The following PIGP variants were observed in gnomAD, a reference collection of about 807,000 sequenced individuals.
PIGP encodes the protein phosphatidylinositol glycan anchor biosynthesis class P.
In PIGP, 12 loss-of-function variants were observed where a neutral mutation model predicts 16.9. That is an observed-to-expected ratio of 0.71 (90% confidence interval 0.46 to 1.15). The LOEUF (loss-of-function observed/expected upper bound fraction) is 1.15, where lower values mean the gene tolerates loss of function less well. PIGP is among the 50% of genes most tolerant of loss of function. The pLI, the probability that PIGP is intolerant of heterozygous loss-of-function variation, is 0.00. For synonymous variants in PIGP, 57 were observed against 54.7 expected, an observed-to-expected ratio of 1.04 and a Z score of -0.18; for missense variants, 159 against 153.5, an observed-to-expected ratio of 1.04 and a Z score of -0.19.
rs915840430 is a variant in PIGP, at chr21:37,071,013, G to T, written c.83-1389C>A. On this transcript the variant is annotated intron_variant, in intron 2 of 4. Transcript: ENST00000360525. ...CGACCTCAGATGATCTGCCTGCCTCGGCCACCCAAAGTGCCGGGATTACAG... is the reference window on the plus strand; with the variant it reads ...CGACCTCAGATGATCTGCCTGCCTCTGCCACCCAAAGTGCCGGGATTACAG... 3.2e-4 allele frequency among the ~76,000 whole-genome samples: 49 copies of T among 152,114 alleles called. 1 individual carries two copies. The highest frequency in any genetic ancestry group is 1.2e-3 in the African/African-American group (49 of 41,406).
At chr21:37,067,422 A>C (rs1209099179) in intron 3 of PIGP, 42 bp from the exon 4 acceptor site, 16 of 1,136,730 alleles carry the variant, frequency 1.4e-5, no homozygotes, top group Non-Finnish European at 2.1e-5. Flanking sequence ...ACACTTTAAA[A>C]AAGTTGTAAT....
In PIGP at chr21:37,067,363, A is replaced by G. The variant is rs1358519822; in HGVS notation, c.173T>C (p.Leu58Ser). 1 of 1,597,370 alleles carries G rather than the reference A, an allele frequency of 6.3e-7. No individual in the cohort carries two copies. Among genetic ancestry groups the G allele is most frequent in the Non-Finnish European group, 8.6e-7 (1 of 1,164,750 alleles). The change falls in exon 4 of 5, where the codon TTA becomes TCA. Residue 58 changes from leucine to serine, a missense_variant. Transcript: ENST00000360525. ...YWPQKYWAVALPVYLLIAIVI... is the reference protein window; with the variant it reads ...YWPQKYWAVASPVYLLIAIVI... ...TATAGCAATAAGGAGGTAGACAGGTAATGCAACTGCCCAATATCTGCCAAA... is the reference window on the plus strand; with the variant it reads ...TATAGCAATAAGGAGGTAGACAGGTGATGCAACTGCCCAATATCTGCCAAA...
intron 1 of PIGP, 62 bp from the exon 2 acceptor site, chr21:37,072,599 C>T (rs759933479): frequency 6.2e-7 from 1 of 1,608,258 alleles, no homozygotes; most frequent in Non-Finnish European, 8.5e-7. Context: ...GATCCATTCT[C>T]GCCTCCTCGC....
chr21:37,072,407 C>CTG, intron 2 of PIGP, 27 bp downstream of exon 2: 1 of 1,613,566 alleles, frequency 6.2e-7, no homozygotes, highest in South Asian at 1.1e-5. Context: ...GAAAAAGCCC[C>CTG]TGGCCATCCA....
intron 2 of PIGP, chr21:37,072,041 G>T: frequency 1.3e-6 from 1 of 771,530 alleles, no homozygotes; most frequent in South Asian, 1.4e-5. Flanking sequence ...TCAGTGCCAG[G>T]GGGAAAGGCC....
chr21:37,069,668 A>G, intron 2 of PIGP, 44 bp from the exon 3 acceptor site: 2 of 1,251,218 alleles, frequency 1.6e-6, no homozygotes, highest in Non-Finnish European at 2.3e-6. Context: ...GAAGTCAGTA[A>G]GACATACATC....
chr21:37,066,669 C>G (rs77937673), intron 4 of PIGP, among the ~76,000 whole-genome samples: 4,189 of 152,164 alleles, frequency 0.028, 83 homozygotes, highest in Middle Eastern at 0.044. Flanking sequence ...GGATACACAC[C>G]CCCAAAGTCC....
Position 37,065,574 on chromosome 21 carries a change from C to A in PIGP, c.*8G>T. ...TACGTGCTTGGTGTTACTATGGTTA[C>A]ACACAGTTCAGTTTTTGGTGTAAAG... is the stretch of plus-strand genomic sequence containing the variant. On this transcript the variant is annotated 3_prime_UTR_variant, in exon 5 of 5. Transcript: ENST00000360525. The A allele has an allele frequency of 6.2e-7, 1 of 1,611,598 alleles. No homozygotes were observed. Among genetic ancestry groups the A allele is most frequent in the South Asian group, 1.1e-5 (1 of 90,594 alleles).
intron 1 of PIGP, 104 bp from the exon 2 acceptor site, chr21:37,072,641 A>T: frequency 6.3e-7 from 1 of 1,584,726 alleles, no homozygotes; most frequent in South Asian, 1.1e-5. Context: ...GCCGCGCAGA[A>T]CCGCCTCCCG....
chr21:37,066,528 A>C (rs2069905710), intron 4 of PIGP, among the ~76,000 whole-genome samples: 1 of 152,248 alleles, frequency 6.6e-6, no homozygotes, highest in African/African-American at 2.4e-5. Context: ...CTAGAATTTA[A>C]GCAAGCTCAG....
chr21:37,066,545 G>T (rs2069906007), intron 4 of PIGP, among the ~76,000 whole-genome samples: 1 of 152,168 alleles, frequency 6.6e-6, no homozygotes, highest in African/African-American at 2.4e-5. Context: ...TCAGGAGTCT[G>T]ATTTATTTTC....
chr21:37,072,562 G>C lies in PIGP; in HGVS notation c.-22-25C>G, dbSNP rs567491390. The C allele has an allele frequency of 2.5e-6, 4 of 1,614,184 alleles. No homozygotes were observed. The highest frequency in any genetic ancestry group is 4.5e-5 in the East Asian group (2 of 44,886). On this transcript the variant is annotated intron_variant, in intron 1 of 4. Coordinates refer to ENST00000360525, the MANE Select transcript of PIGP (RefSeq NM_153682.3). Reference sequence around the variant, plus strand: ...TCTGTGGAAAAGGAACACAATCAGCGTCAGCGATGTGCTCCGTGGCACCAT... The same window carrying C: ...TCTGTGGAAAAGGAACACAATCAGCCTCAGCGATGTGCTCCGTGGCACCAT...
In PIGP at chr21:37,067,304, T is replaced by C. The variant is rs1028023265; in HGVS notation, c.232A>G (p.Met78Val). 2.5e-6 allele frequency: 4 copies of C among 1,611,278 alleles called. No homozygotes were observed. The highest frequency in any genetic ancestry group is 3.3e-5 in the Admixed American group (2 of 60,002). ...IGYVLLFGIN[M>V]MSTSPLDSIH... is the part of the protein sequence containing the mutation. ...GAGTCGAGTGGAGAGGTACTCATCA[T>C]GTTAATCCCAAACAAGAGCACGTAG... Residue 78 changes from methionine (M) to valine (V), a missense_variant, in exon 4 of 5, where the codon ATG becomes GTG. Met to Val is a conservative substitution (Grantham distance 21). Coordinates refer to ENST00000360525, the MANE Select transcript of PIGP (RefSeq NM_153682.3).
intron 3 of PIGP, 144 bp from the exon 4 acceptor site, chr21:37,067,524 C>T (rs2069927796): frequency 1.8e-6 from 1 of 558,438 alleles, no homozygotes; most frequent in Non-Finnish European, 3.1e-6. Context: ...TTCCACAAGG[C>T]TTACAGTGAA....
At chr21:37,065,817 A>G (rs1361386407) in intron 4 of PIGP, 105 bp from the exon 5 acceptor site, 2 of 832,222 alleles carry the variant, frequency 2.4e-6, no homozygotes, top group East Asian at 2.6e-5. Context: ...ACGTTTGGAT[A>G]GTGACAAACA....
chr21:37,067,281 G>A lies in PIGP; in HGVS notation c.255C>T (p.Asp85=), dbSNP rs1304935125. The A allele has an allele frequency of 1.3e-6, 2 of 1,589,148 alleles. No individual in the cohort carries two copies. The highest frequency in any genetic ancestry group is 2.2e-5 in the South Asian group (2 of 90,560). ...GINMMSTSPL[D]SIHTITDNYA... ...AGTTACCTGTGATTGTATGGATGGAGTCGAGTGGAGAGGTACTCATCATGT... is the reference window on the plus strand; with the variant it reads ...AGTTACCTGTGATTGTATGGATGGAATCGAGTGGAGAGGTACTCATCATGT... Residue 85 remains aspartate, a synonymous_variant, in exon 4 of 5, where the codon GAC becomes GAT. Coordinates refer to ENST00000360525, the MANE Select transcript of PIGP (RefSeq NM_153682.3).
Position 37,067,326 on chromosome 21 carries a change from G to A in PIGP, c.210C>T (p.Tyr70=), listed in dbSNP as rs753622010. ...VYLLIAIVIG[Y]VLLFGINMMS... The stretch of plus-strand genomic sequence containing the variant: ...TCATGTTAATCCCAAACAAGAGCAC[G>A]TAGCCAATTACTATAGCAATAAGGA... Residue 70 remains tyrosine (Y), a synonymous_variant, in exon 4 of 5, where the codon TAC becomes TAT. Transcript: ENST00000360525. The A allele has an allele frequency of 2.5e-5, 41 of 1,611,980 alleles. No individual in the cohort carries two copies. The East Asian group carries it at 5.6e-4, about 22-fold the overall frequency.
chr21:37,067,209 G>T, intron 4 of PIGP, 53 bp downstream of exon 4: 2 of 1,029,376 alleles, frequency 1.9e-6, no homozygotes, highest in Non-Finnish European at 3.1e-6. Flanking sequence ...GGGTAAAAGT[G>T]CTAATACTCC....
chr21:37,072,967 G>C, intron 1 of PIGP, 33 bp downstream of exon 1: 1 of 193,654 alleles, frequency 5.2e-6, no homozygotes, highest in South Asian at 1.1e-4. Context: ...TCCTTCATAC[G>C]CCCACCCAGG....
Sources: gnomAD v4.1 joint callset for allele counts (sites outside exome capture counted in the v4.1 genomes callset) on GRCh38, gnomAD v4.1.1 for gene constraint, MANE v1.5 for transcripts, NCBI Gene and HGNC (gene_info 2026-07-23, HGNC 2026-07-21) for gene names.